KCNQ3: variants seen among roughly 807,000 people sequenced by gnomAD.
The protein encoded by KCNQ3 is potassium voltage-gated channel subfamily KQT member 3.
Under a neutral mutation model 92.5 loss-of-function variants are expected in KCNQ3, and 30 were observed. The observed-to-expected ratio is 0.32, with a 90% CI of 0.24 to 0.44. The LOEUF (loss-of-function observed/expected upper bound fraction) is 0.44, where lower values mean the gene tolerates loss of function less well. Ranked by LOEUF, KCNQ3 falls within the 20% of genes least tolerant of loss-of-function variation. KCNQ3 has a pLI of 1.00. For missense variants in KCNQ3, 913 were observed against 1,140.3 expected, an observed-to-expected ratio of 0.80 and a Z score of 2.87; for synonymous variants, 450 against 468.8, an observed-to-expected ratio of 0.96 and a Z score of 0.52.
chr8:132,171,032 A>G (rs1257084469), intron 7 of KCNQ3, among the ~76,000 whole-genome samples: 3 of 151,870 alleles, frequency 2.0e-5, no homozygotes, highest in African/African-American at 7.3e-5. Context: ...AAAAAAGTAA[A>G]CAATAAAATA....
At chr8:132,440,592 G>A (rs1177682105) in intron 1 of KCNQ3, among the ~76,000 whole-genome samples, 2 of 152,196 alleles carry the variant, frequency 1.3e-5, no homozygotes, top group South Asian at 2.1e-4. Context: ...ACTGAGGCTT[G>A]GAGGGGTTAC....
intron 4 of KCNQ3, 108 bp downstream of exon 4, chr8:132,180,049 G>T (rs1826702447): frequency 8.4e-7 from 1 of 1,194,284 alleles, no homozygotes; most frequent in South Asian, 1.2e-5. Context: ...ATCATCAAGG[G>T]TGGCAGAATG....
At chr8:132,244,427 G>A (rs1815094989) in intron 1 of KCNQ3, among the ~76,000 whole-genome samples, 1 of 151,620 alleles carries the variant, frequency 6.6e-6, no homozygotes, top group African/African-American at 2.4e-5. Flanking sequence ...AGGAAGGAAG[G>A]AAAATGGAAA....
intron 12 of KCNQ3, among the ~76,000 whole-genome samples, chr8:132,137,289 T>A (rs1403467196): frequency 6.6e-6 from 1 of 152,116 alleles, no homozygotes; most frequent in Admixed American, 6.6e-5. Context: ...TTGGAGCTGG[T>A]TTGATTCCCA....
rs536928182 is a variant in KCNQ3, at chr8:132,164,256, T to C, written c.1236-762A>G. Among the ~76,000 whole-genome samples, 3 of 149,974 alleles carry C rather than the reference T, an allele frequency of 2.0e-5. No homozygotes were observed. In the South Asian group the frequency reaches 6.2e-4, roughly 31 times the overall value. On this transcript the variant is annotated intron_variant, in intron 8 of 14. Transcript: ENST00000388996. ...GGTTCTTATTCAATTGCCCAAGGTC[T>C]ACACTGAGCAAATCCCCTCACAAGT...
chr8:132,285,678 C>T (rs1241742178), intron 1 of KCNQ3, among the ~76,000 whole-genome samples: 1 of 152,118 alleles, frequency 6.6e-6, no homozygotes, highest in African/African-American at 2.4e-5. Context: ...GACTGTTTGC[C>T]AAGAAGATTA....
intron 1 of KCNQ3, among the ~76,000 whole-genome samples, chr8:132,282,884 G>A (rs1038537393): frequency 6.6e-6 from 1 of 152,204 alleles, no homozygotes; most frequent in African/African-American, 2.4e-5. Flanking sequence ...AGAGGCCACA[G>A]GGTCCCAACA....
intron 1 of KCNQ3, among the ~76,000 whole-genome samples, chr8:132,357,560 G>A (rs1218299921): frequency 6.6e-6 from 1 of 152,188 alleles, no homozygotes; most frequent in Non-Finnish European, 1.5e-5. Context: ...AGTCTGAGCT[G>A]CCCCAGCCAG....
intron 13 of KCNQ3, among the ~76,000 whole-genome samples, chr8:132,133,037 T>C (rs1824935516): frequency 6.6e-6 from 1 of 152,196 alleles, no homozygotes; most frequent in African/African-American, 2.4e-5. Flanking sequence ...AAACTGGTGG[T>C]CCATGTGCTA....
chr8:132,263,447 T>C (rs888489124), intron 1 of KCNQ3, among the ~76,000 whole-genome samples: 2 of 152,220 alleles, frequency 1.3e-5, no homozygotes, highest in Non-Finnish European at 2.9e-5. Flanking sequence ...GGGCAAGCGC[T>C]GTCCCAAGGA....
intron 1 of KCNQ3, among the ~76,000 whole-genome samples, chr8:132,261,807 A>G (rs1815797674): frequency 6.6e-6 from 1 of 152,192 alleles, no homozygotes; most frequent in African/African-American, 2.4e-5. Flanking sequence ...CATCTAGGCT[A>G]TAGAATAAAA....
At chr8:132,274,759 G>A (rs74553629) in intron 1 of KCNQ3, among the ~76,000 whole-genome samples, 289 of 152,316 alleles carry the variant, frequency 1.9e-3, no homozygotes, top group African/African-American at 6.5e-3. Context: ...GAAGTTCCCA[G>A]TGGGGTGCTG....
chr8:132,291,760 T>C (rs1356868407), intron 1 of KCNQ3, among the ~76,000 whole-genome samples: 2 of 152,184 alleles, frequency 1.3e-5, no homozygotes, highest in East Asian at 1.9e-4. Context: ...GATCCATTCA[T>C]TTATGCCATC....
intron 12 of KCNQ3, among the ~76,000 whole-genome samples, chr8:132,136,134 A>G (rs1279907476): frequency 6.7e-6 from 1 of 150,070 alleles, no homozygotes; most frequent in Admixed American, 6.6e-5. Context: ...AAAAAAAAAA[A>G]AAAAAAAAAA....
intron 1 of KCNQ3, among the ~76,000 whole-genome samples, chr8:132,444,666 G>T (rs1821629040): frequency 6.6e-6 from 1 of 152,230 alleles, no homozygotes; most frequent in African/African-American, 2.4e-5. Context: ...AATGTGGTAT[G>T]AGACAGATGC....
At chr8:132,250,571 G>A (rs947660593) in intron 1 of KCNQ3, among the ~76,000 whole-genome samples, 4 of 152,068 alleles carry the variant, frequency 2.6e-5, no homozygotes, top group Non-Finnish European at 5.9e-5. Context: ...ATACAGAGTC[G>A]AATTTTGTGG....
At chr8:132,432,061 A>G (rs1821265908) in intron 1 of KCNQ3, among the ~76,000 whole-genome samples, 1 of 152,236 alleles carries the variant, frequency 6.6e-6, no homozygotes, top group African/African-American at 2.4e-5. Flanking sequence ...CACAGGTACA[A>G]CACTTTCTGA....
chr8:132,392,629 C>T (rs1267950473), intron 1 of KCNQ3, among the ~76,000 whole-genome samples: 1 of 151,916 alleles, frequency 6.6e-6, no homozygotes, highest in Non-Finnish European at 1.5e-5. Context: ...CAGCAAGACC[C>T]TGACTCTACA....
At chr8:132,149,612 C>T (rs1825571762) in intron 9 of KCNQ3, among the ~76,000 whole-genome samples, 1 of 152,180 alleles carries the variant, frequency 6.6e-6, no homozygotes, top group South Asian at 2.1e-4. Context: ...TGTTTTGGAA[C>T]AGTAATGACA....
Sources: gnomAD v4.1 joint callset for allele counts (sites outside exome capture counted in the v4.1 genomes callset) on GRCh38, gnomAD v4.1.1 for gene constraint, MANE v1.5 for transcripts, NCBI Gene and HGNC (gene_info 2026-07-23, HGNC 2026-07-21) for gene names.